TFPI: variants seen among roughly 807,000 people sequenced by gnomAD.
TFPI encodes tissue factor pathway inhibitor.
In TFPI, 15 loss-of-function variants were observed where a neutral mutation model predicts 34.6. That is an observed-to-expected ratio of 0.43 (90% CI 0.29 to 0.67). The LOEUF is 0.67. Ranked by LOEUF, TFPI falls within the 30% of genes least tolerant of loss-of-function variation. TFPI has a pLI of 0.15. For synonymous variants in TFPI, 105 were observed against 120.1 expected (o/e 0.87, Z 0.82); for missense variants, 301 against 364.0 (o/e 0.83, Z 1.41).
intron 1 of TFPI, among the ~76,000 whole-genome samples, chr2:187,542,792 G>A (rs1055620815): frequency 6.6e-6 from 1 of 151,406 alleles, no homozygotes. Flanking sequence ...GCTTGAACCC[G>A]GGAGATGGAG....
chr2:187,550,378 A>G (rs1397654266), intron 1 of TFPI, among the ~76,000 whole-genome samples: 2 of 152,184 alleles, frequency 1.3e-5, no homozygotes, highest in Non-Finnish European at 2.9e-5. Context: ...GTAGGAAAAA[A>G]TTAACCATAG....
intron 4 of TFPI, 139 bp downstream of exon 4, chr2:187,488,198 T>A (rs765525801): frequency 9.3e-5 from 54 of 579,510 alleles, no homozygotes; most frequent in South Asian, 3.6e-4. Context: ...TTTTTTTAAA[T>A]CAATCTCAGA....
chr2:187,472,992 A>G (rs1200866852), intron 6 of TFPI, among the ~76,000 whole-genome samples: 7 of 152,046 alleles, frequency 4.6e-5, no homozygotes, highest in Admixed American at 4.6e-4. Flanking sequence ...CAGCCTGGGT[A>G]ACAGAACAAG....
chr2:187,507,411 G>A (rs572422977), intron 1 of TFPI, among the ~76,000 whole-genome samples: 8 of 151,932 alleles, frequency 5.3e-5, no homozygotes, highest in Admixed American at 3.3e-4. Flanking sequence ...TGGGTCAAAC[G>A]GTATTTCTGG....
At position 187,466,310 on chromosome 2, in the gene TFPI, A is replaced by G. The variant is rs1189179016; in HGVS notation, c.*626T>C. 22 of 152,120 alleles carry G rather than the reference A, an allele frequency of 1.4e-4. No homozygotes were observed. Among genetic ancestry groups the G allele is most frequent in the Non-Finnish European group, 3.1e-4 (21 of 68,036 alleles). The allele number at this position is 152,120 out of a possible 1,614,324, so 9.4% of individuals were successfully genotyped here. The stretch of plus-strand genomic sequence containing the variant: ...TCAAACAAAAAAAAAAGTGAAACCA[A>G]TCCAAATCAGGCAGGCACATGATGC... On this transcript the variant is annotated 3_prime_UTR_variant, in exon 8 of 8. Coordinates refer to ENST00000233156, the MANE Select transcript of TFPI (RefSeq NM_006287.6).
intron 1 of TFPI, among the ~76,000 whole-genome samples, chr2:187,550,471 C>T (rs1352498628): frequency 6.6e-6 from 1 of 152,084 alleles, no homozygotes; most frequent in East Asian, 1.9e-4. Flanking sequence ...ACTTTAACTA[C>T]ATCCCAGAAG....
intron 1 of TFPI, among the ~76,000 whole-genome samples, chr2:187,505,331 T>C (rs1686134295): frequency 6.6e-6 from 1 of 152,118 alleles, no homozygotes. Context: ...GGGTATTGCC[T>C]AAACTTAGTA....
chr2:187,521,657 C>T (rs2106211841), intron 1 of TFPI, among the ~76,000 whole-genome samples: 1 of 152,190 alleles, frequency 6.6e-6, no homozygotes, highest in Non-Finnish European at 1.5e-5. Flanking sequence ...CAACCTCCAC[C>T]TCCCGGGTTC....
Position 187,493,767 on chromosome 2 carries a change from A to C in TFPI, c.319+3114T>G, listed in dbSNP as rs529048543. ...AAAATGCTGCCAGTCTCTTTGCTAA[A>C]ACATAATGAGAGTCAGCTTTGCTCA... On this transcript the variant is annotated intron_variant, in intron 3 of 7. Coordinates refer to ENST00000233156, the MANE Select transcript of TFPI (RefSeq NM_006287.6). 3.9e-5 allele frequency among the ~76,000 whole-genome samples: 6 copies of C among 152,274 alleles called. No individual in the cohort carries two copies. In the South Asian group the frequency reaches 1.2e-3, roughly 32 times the overall value.
At chr2:187,536,749 A>G (rs1559153978) in intron 1 of TFPI, among the ~76,000 whole-genome samples, 1 of 129,736 alleles carries the variant, frequency 7.7e-6, no homozygotes, top group Non-Finnish European at 1.9e-5. Flanking sequence ...ATCAGGTAAG[A>G]GAAAGAAATA....
At chr2:187,482,526 A>G (rs527704093) in intron 6 of TFPI, among the ~76,000 whole-genome samples, 8 of 152,148 alleles carry the variant, frequency 5.3e-5, no homozygotes, top group East Asian at 1.9e-4. Context: ...TCACTGCTCT[A>G]CCTATTGAAT....
chr2:187,476,898 A>G (rs1321604445), intron 6 of TFPI, among the ~76,000 whole-genome samples: 1 of 152,128 alleles, frequency 6.6e-6, no homozygotes, highest in Non-Finnish European at 1.5e-5. Flanking sequence ...TTAACTTGTA[A>G]ACAATTTTTG....
intron 1 of TFPI, among the ~76,000 whole-genome samples, chr2:187,510,406 A>T (rs1686538959): frequency 6.6e-6 from 1 of 152,198 alleles, no homozygotes; most frequent in Non-Finnish European, 1.5e-5. Flanking sequence ...CAACAGTAAA[A>T]GCCCCTTGTG....
chr2:187,525,163 CT>C (rs1444686146), intron 1 of TFPI, among the ~76,000 whole-genome samples: 1 of 152,046 alleles, frequency 6.6e-6, no homozygotes, highest in African/African-American at 2.4e-5. Flanking sequence ...TATAATCCCC[CT>C]AATAGCCCTA....
intron 2 of TFPI, among the ~76,000 whole-genome samples, chr2:187,500,229 A>G (rs970053077): frequency 6.6e-6 from 1 of 152,128 alleles, no homozygotes; most frequent in Non-Finnish European, 1.5e-5. Context: ...AGTAATTACA[A>G]TACCCTTGAC....
At chr2:187,491,042 A>C (rs1245650326) in intron 3 of TFPI, among the ~76,000 whole-genome samples, 1 of 151,824 alleles carries the variant, frequency 6.6e-6, no homozygotes, top group African/African-American at 2.4e-5. Flanking sequence ...GTGTGCTTTA[A>C]TTCTAAATCC....
intron 1 of TFPI, among the ~76,000 whole-genome samples, chr2:187,508,534 G>A (rs906266430): frequency 6.6e-6 from 1 of 152,062 alleles, no homozygotes; most frequent in African/African-American, 2.4e-5. Context: ...CATCCCTTGT[G>A]AGTTTTATTC....
chr2:187,479,052 C>T (rs766767251), intron 6 of TFPI, among the ~76,000 whole-genome samples: 41 of 151,948 alleles, frequency 2.7e-4, no homozygotes, highest in African/African-American at 5.3e-4. Flanking sequence ...AGTGAAAAGG[C>T]AGATTGGTTA....
chr2:187,524,821 T>A (rs1335443168), intron 1 of TFPI, among the ~76,000 whole-genome samples: 3 of 152,074 alleles, frequency 2.0e-5, no homozygotes, highest in Admixed American at 6.5e-5. Context: ...TAACATTTTT[T>A]AAATTTTGCT....
Sources: gnomAD v4.1 joint callset for allele counts (sites outside exome capture counted in the v4.1 genomes callset) on GRCh38, gnomAD v4.1.1 for gene constraint, MANE v1.5 for transcripts, NCBI Gene and HGNC (gene_info 2026-07-23, HGNC 2026-07-21) for gene names.